Variants in GALNT14 observed in about 807,000 individuals in gnomAD.
GALNT14 encodes the protein UDP-GalNAc:polypeptide N-acetylgalactosaminyltransferase 14.
GALNT14 carries 60 observed loss-of-function variants against 77.5 expected under a neutral mutation model. That is an observed-to-expected ratio of 0.77 (90% CI 0.63 to 0.96). The LOEUF (loss-of-function observed/expected upper bound fraction) is 0.96. GALNT14 is among the 40% of genes least tolerant of loss of function. The pLI is 0.00. For synonymous variants in GALNT14, 280 were observed against 281.7 expected, an observed-to-expected ratio of 0.99 and a Z score of 0.06; for missense variants, 710 against 731.0, an observed-to-expected ratio of 0.97 and a Z score of 0.33.
intron 1 of GALNT14, among the ~76,000 whole-genome samples, chr2:31,052,357 T>C (rs1673926875): frequency 1.3e-5 from 2 of 152,038 alleles, no homozygotes; most frequent in South Asian, 2.1e-4. Context: ...TACAGCTGGG[T>C]GGATGACAGC....
chr2:31,019,846 T>G (rs1671606005), intron 1 of GALNT14, among the ~76,000 whole-genome samples: 1 of 152,180 alleles, frequency 6.6e-6, no homozygotes, highest in Non-Finnish European at 1.5e-5. Flanking sequence ...GGGAATTAAG[T>G]GAAAGGATAC....
chr2:30,936,415 A>G (rs1666061139), intron 9 of GALNT14, among the ~76,000 whole-genome samples: 1 of 152,202 alleles, frequency 6.6e-6, no homozygotes, highest in Non-Finnish European at 1.5e-5. Context: ...TGGTTTCTAA[A>G]CAAAGGCAAA....
chr2:31,067,833 T>G (rs1675079634), intron 1 of GALNT14, among the ~76,000 whole-genome samples: 1 of 152,186 alleles, frequency 6.6e-6, no homozygotes, highest in South Asian at 2.1e-4. Flanking sequence ...CTCAGGGACT[T>G]AAGTCACTCA....
intron 1 of GALNT14, among the ~76,000 whole-genome samples, chr2:31,021,430 G>A (rs879464257): frequency 7.3e-5 from 11 of 151,440 alleles, no homozygotes; most frequent in Admixed American, 3.9e-4. Context: ...TCAGCCTCCC[G>A]AGTAGCTGGG....
chr2:31,134,342 G>A (rs939942018), intron 1 of GALNT14, among the ~76,000 whole-genome samples: 2 of 152,216 alleles, frequency 1.3e-5, no homozygotes, highest in African/African-American at 4.8e-5. Flanking sequence ...GATGCCTAGA[G>A]GCCTGAGCAG....
Position 31,008,683 on chromosome 2 carries a change from G to A in GALNT14, c.130-15676C>T, listed in dbSNP as rs549787903. ...GCCAGCATGAGTGGTGGGAGGATGC[G>A]GTGCATAGAGAAAGTAGGTCATTAG... On this transcript the variant is annotated intron_variant, in intron 1 of 14. Transcript: ENST00000349752. Among the ~76,000 whole-genome samples the A allele has an allele frequency of 1.7e-4, 26 of 152,282 alleles. No individual in the cohort carries two copies. The South Asian group carries it at 5.4e-3, about 32-fold the overall frequency.
intron 1 of GALNT14, among the ~76,000 whole-genome samples, chr2:31,021,359 C>G (rs1671705681): frequency 6.6e-6 from 1 of 151,778 alleles, no homozygotes; most frequent in African/African-American, 2.4e-5. Context: ...GGCTGGAGTG[C>G]AGTGGTGTGA....
chr2:31,036,481 C>T (rs1418829676), intron 1 of GALNT14, among the ~76,000 whole-genome samples: 1 of 152,146 alleles, frequency 6.6e-6, no homozygotes, highest in African/African-American at 2.4e-5. Context: ...CCTATCAACA[C>T]AGTTTTATAA....
intron 1 of GALNT14, among the ~76,000 whole-genome samples, chr2:31,105,940 C>A: frequency 6.6e-6 from 1 of 152,142 alleles, no homozygotes; most frequent in African/African-American, 2.4e-5. Flanking sequence ...CAGTAAAAAA[C>A]ACGGTTCCTA....
chr2:31,004,897 G>C (rs1010623488), intron 1 of GALNT14, among the ~76,000 whole-genome samples: 1 of 152,194 alleles, frequency 6.6e-6, no homozygotes, highest in Non-Finnish European at 1.5e-5. Flanking sequence ...GAGGCCCTCT[G>C]AACCAAGGTA....
the GALNT14 span, among the ~76,000 whole-genome samples, chr2:30,905,463 G>C: frequency 2.0e-5 from 3 of 151,838 alleles, no homozygotes; most frequent in Non-Finnish European, 4.4e-5. Flanking sequence ...GGGTATCAGC[G>C]ATGGAAAATG....
intron 8 of GALNT14, among the ~76,000 whole-genome samples, chr2:30,944,578 C>T (rs1266758909): frequency 6.6e-6 from 1 of 152,154 alleles, no homozygotes; most frequent in Non-Finnish European, 1.5e-5. Context: ...ACTCAACCAA[C>T]GTTGGGCTCC....
chr2:31,014,144 G>C (rs991389659), intron 1 of GALNT14, among the ~76,000 whole-genome samples: 1 of 152,202 alleles, frequency 6.6e-6, no homozygotes, highest in African/African-American at 2.4e-5. Context: ...CTATTTCACA[G>C]GGTTTTAAGA....
intron 11 of GALNT14, among the ~76,000 whole-genome samples, chr2:30,926,123 C>T (rs1665362123): frequency 6.6e-6 from 1 of 152,230 alleles, no homozygotes; most frequent in African/African-American, 2.4e-5. Flanking sequence ...CACAGCTCAT[C>T]ACCAGACTCT....
intron 9 of GALNT14, among the ~76,000 whole-genome samples, chr2:30,939,336 G>C (rs570067313): frequency 6.6e-6 from 1 of 152,290 alleles, no homozygotes; most frequent in Non-Finnish European, 1.5e-5. Context: ...GTCCTGTAGA[G>C]GGTCAGCTTC....
chr2:31,120,095 G>C lies in GALNT14; in HGVS notation c.129+17863C>G, dbSNP rs1455543367. Reference sequence around the variant, plus strand: ...GGCGTGAACCCGGGAGGCGGAGCTTGCAGTGAGCCGAGATCGCGCCACTGC... The same window carrying C: ...GGCGTGAACCCGGGAGGCGGAGCTTCCAGTGAGCCGAGATCGCGCCACTGC... On this transcript the variant is annotated intron_variant, in intron 1 of 14. Transcript: ENST00000349752. Among the ~76,000 whole-genome samples the C allele has an allele frequency of 2.8e-5, 2 of 71,970 alleles. 1 individual carries two copies. Among genetic ancestry groups the C allele is most frequent in the Non-Finnish European group, 7.7e-5 (2 of 26,142 alleles). 47.2% of individuals were successfully genotyped at this position (71,970 alleles called of 152,430 possible). A position where few individuals can be genotyped will look rare whatever the true frequency, so the allele number is the denominator to read the frequency against.
At chr2:30,992,292 G>A (rs1238910632) in intron 2 of GALNT14, among the ~76,000 whole-genome samples, 2 of 152,318 alleles carry the variant, frequency 1.3e-5, no homozygotes, top group South Asian at 2.1e-4. Context: ...ACTAAAGGCT[G>A]GCAGGATGGA....
chr2:31,019,727 C>T (rs1335204056), intron 1 of GALNT14, among the ~76,000 whole-genome samples: 1 of 152,222 alleles, frequency 6.6e-6, no homozygotes, highest in African/African-American at 2.4e-5. Context: ...AGTCCCAGCT[C>T]TGCACTCACT....
intron 1 of GALNT14, among the ~76,000 whole-genome samples, chr2:31,089,684 C>A (rs904913949): frequency 1.3e-5 from 2 of 152,106 alleles, no homozygotes; most frequent in African/African-American, 4.8e-5. Context: ...TTCTTTAATG[C>A]CATTGCTTAG....
Sources: allele counts gnomAD v4.1 joint callset (sites outside exome capture counted in the v4.1 genomes callset), GRCh38; gene constraint gnomAD v4.1.1; transcripts MANE v1.5; gene names NCBI Gene and HGNC (gene_info 2026-07-23, HGNC 2026-07-21).